Variants in CD226 observed in about 807,000 individuals in gnomAD.
The protein encoded by CD226 is CD226 molecule.
CD226 carries 24 observed loss-of-function variants against 34.9 expected under a neutral mutation model. The observed-to-expected ratio is 0.69, with a 90% confidence interval of 0.50 to 0.97. CD226 has a LOEUF of 0.97. Among genes scored for constraint, CD226 ranks in the 50% least tolerant of loss-of-function variants. The pLI, the probability that CD226 is intolerant of heterozygous loss-of-function variation, is 0.00. For missense variants in CD226, 397 were observed against 412.7 expected, an observed-to-expected ratio of 0.96 and a Z score of 0.33; for synonymous variants, 148 against 147.4, an observed-to-expected ratio of 1.00 and a Z score of -0.03.
At chr18:69,942,258 T>G (rs900077622) in intron 2 of CD226, among the ~76,000 whole-genome samples, 28 of 152,210 alleles carry the variant, frequency 1.8e-4, no homozygotes, top group Non-Finnish European at 7.3e-5. Flanking sequence ...ATATACACAT[T>G]GGTTCTCTTT....
chr18:69,919,661 T>C (rs1056061113), intron 2 of CD226, among the ~76,000 whole-genome samples: 1 of 152,206 alleles, frequency 6.6e-6, no homozygotes, highest in African/African-American at 2.4e-5. Flanking sequence ...ATTTTCATCT[T>C]ATTTCGCTGA....
At position 69,927,250 on chromosome 18, in the gene CD226, G is replaced by A. The variant is rs148183479; in HGVS notation, c.382+19484C>T. 1.4e-3 allele frequency among the ~76,000 whole-genome samples: 213 copies of A among 152,118 alleles called. 2 individuals carry two copies. Among genetic ancestry groups the A allele is most frequent in the South Asian group, 3.7e-3 (18 of 4,814 alleles). On this transcript the variant is annotated intron_variant, in intron 2 of 5. Transcript: ENST00000582621. ...CCCTCACTAGACAGTAAATTTGCTC[G>A]TGCTTTGGTCTTGGACTTCCTAGCC...
chr18:69,954,686 C>T (rs1302384292), intron 1 of CD226, among the ~76,000 whole-genome samples: 2 of 151,820 alleles, frequency 1.3e-5, no homozygotes, highest in African/African-American at 4.8e-5. Context: ...CTCCTTATTC[C>T]CAAGGCATCC....
chr18:69,899,212 TC>T (rs1358810540), intron 2 of CD226, among the ~76,000 whole-genome samples: 1 of 152,178 alleles, frequency 6.6e-6, no homozygotes, highest in African/African-American at 2.4e-5. Flanking sequence ...GCTGGGTACA[TC>T]TTCACATCAT....
rs754960557 is a variant in CD226 at position 69,946,691 on chromosome 18, G to A, written c.382+43C>T. 20 of 1,286,538 alleles carry A rather than the reference G, an allele frequency of 1.6e-5. No individual in the cohort carries two copies. The Admixed American group carries it at 3.8e-4, about 24-fold the overall frequency. 79.7% of individuals were successfully genotyped at this position (1,286,538 alleles called of 1,614,324 possible). ...GGCTTTATAGAAATAAATGTTGTAA[G>A]TGGATAAAAAGGGATTTAAAAAAAA... On this transcript the variant is annotated intron_variant, in intron 2 of 5. Transcript: ENST00000582621.
At chr18:69,896,183 T>TTTA in intron 2 of CD226, 138 bp from the exon 3 acceptor site, 1 of 1,294,852 alleles carries the variant, frequency 7.7e-7, no homozygotes, top group East Asian at 2.9e-5. Flanking sequence ...TTATACTACT[T>TTTA]TTTTTTTTTT....
intron 3 of CD226, among the ~76,000 whole-genome samples, chr18:69,885,659 A>T (rs1416188530): frequency 6.6e-6 from 1 of 152,128 alleles, no homozygotes; most frequent in Non-Finnish European, 1.5e-5. Flanking sequence ...CTTTGCGCAG[A>T]GGCTACTCCT....
rs200852494 is a variant in CD226 at position 69,946,771 on chromosome 18, C to T, written c.345G>A (p.Gln115=). 53 of 1,613,688 alleles carry T rather than the reference C, an allele frequency of 3.3e-5. No homozygotes were observed. Among genetic ancestry groups the T allele is most frequent in the Non-Finnish European group, 4.4e-5 (52 of 1,179,934 alleles). ...YYSCSLYTYP[Q]GTWQKVIQVV... is the part of the protein sequence containing the mutation. Reference sequence around the variant, plus strand: ...CCTGTATCACCTTCTGCCAAGTTCCCTGTGGGTAAGTGTAAAGAGAGCAGG... The same window carrying T: ...CCTGTATCACCTTCTGCCAAGTTCCTTGTGGGTAAGTGTAAAGAGAGCAGG... The change falls in exon 2 of 6, where the codon CAG becomes CAA. Residue 115 remains glutamine, a synonymous_variant. Transcript: ENST00000582621.
chr18:69,884,311 C>T (rs1243997641), intron 3 of CD226, among the ~76,000 whole-genome samples: 2 of 152,164 alleles, frequency 1.3e-5, no homozygotes, highest in Non-Finnish European at 2.9e-5. Flanking sequence ...ACCAGATGAT[C>T]CTGATGTTGG....
chr18:69,930,947 G>A (rs1034250064), intron 2 of CD226, among the ~76,000 whole-genome samples: 7 of 152,064 alleles, frequency 4.6e-5, no homozygotes, highest in Non-Finnish European at 7.4e-5. Context: ...CAAACACTGC[G>A]GCACTATTCA....
At chr18:69,905,875 A>T (rs2055246777) in intron 2 of CD226, among the ~76,000 whole-genome samples, 1 of 152,222 alleles carries the variant, frequency 6.6e-6, no homozygotes, top group African/African-American at 2.4e-5. Flanking sequence ...CTATTGCCCG[A>T]CGGTGCTCAC....
At chr18:69,946,531 G>C (rs954951969) in intron 2 of CD226, among the ~76,000 whole-genome samples, 2 of 151,988 alleles carry the variant, frequency 1.3e-5, no homozygotes, top group South Asian at 4.2e-4. Flanking sequence ...ACTTCTACTC[G>C]GACACAACAG....
Position 69,892,359 on chromosome 18 carries a change from T to C in CD226, c.727+3342A>G, listed in dbSNP as rs34072321. 3.2e-3 allele frequency among the ~76,000 whole-genome samples: 484 copies of C among 152,312 alleles called. 3 individuals are homozygous for C. The highest frequency in any genetic ancestry group is 4.8e-3 in the Non-Finnish European group (326 of 68,034). On this transcript the variant is annotated intron_variant, in intron 3 of 5. Transcript: ENST00000582621. ...AGTGGCACCTAAAATACTTCTCTTA[T>C]GACAAATGAAAATCCAGAGGATGTT...
rs1172747685 is a variant in CD226 at position 69,853,837 on chromosome 18, A to T, written c.*10477T>A. ...AGCACAGACAGTGAAACTCAGTATGATCTACTCATCTTCAGTTTGATGTCT... is the reference window on the plus strand; with the variant it reads ...AGCACAGACAGTGAAACTCAGTATGTTCTACTCATCTTCAGTTTGATGTCT... On this transcript the variant is annotated 3_prime_UTR_variant, in exon 6 of 6. Coordinates refer to ENST00000582621, the MANE Select transcript of CD226 (RefSeq NM_001303618.2). 6.6e-6 allele frequency: 1 copy of T among 152,174 alleles called. No individual in the cohort carries two copies. Among genetic ancestry groups the T allele is most frequent in the Non-Finnish European group, 1.5e-5 (1 of 68,032 alleles). The allele number at this position is 152,174 out of a possible 1,614,324, so 9.4% of individuals were successfully genotyped here. A position where few individuals can be genotyped will look rare whatever the true frequency, so the allele number is the denominator to read the frequency against.
At chr18:69,907,736 A>G (rs1393138466) in intron 2 of CD226, among the ~76,000 whole-genome samples, 3 of 152,124 alleles carry the variant, frequency 2.0e-5, no homozygotes, top group African/African-American at 4.8e-5. Flanking sequence ...GAGGGTACAA[A>G]ACCTCAGTCA....
At chr18:69,902,498 C>T (rs2055199741) in intron 2 of CD226, among the ~76,000 whole-genome samples, 1 of 151,674 alleles carries the variant, frequency 6.6e-6, no homozygotes, top group Non-Finnish European at 1.5e-5. Context: ...ACTTGCCTGC[C>T]TCTCCTCTCT....
chr18:69,887,416 G>A (rs919420752), intron 3 of CD226, among the ~76,000 whole-genome samples: 2 of 152,084 alleles, frequency 1.3e-5, no homozygotes, highest in Non-Finnish European at 2.9e-5. Flanking sequence ...GTGACATCAG[G>A]ATAACTATAC....
chr18:69,921,638 CG>C lies in CD226; in HGVS notation c.382+25095del, dbSNP rs1238166767. 2.0e-5 allele frequency among the ~76,000 whole-genome samples: 3 copies of C among 152,286 alleles called. No homozygotes were observed. In the East Asian group the frequency reaches 5.8e-4, roughly 29 times the overall value. ...CTGTGGGAAGACCCATGAGGCCCTTCGTGGATTGGCCTTATCTTTTGAATAT... is the reference window on the plus strand; with the variant it reads ...CTGTGGGAAGACCCATGAGGCCCTTCTGGATTGGCCTTATCTTTTGAATAT... On this transcript the variant is annotated intron_variant, in intron 2 of 5. Transcript: ENST00000582621.
intron 2 of CD226, among the ~76,000 whole-genome samples, chr18:69,941,371 C>T (rs1382548804): frequency 6.6e-6 from 1 of 152,224 alleles, no homozygotes; most frequent in Admixed American, 6.5e-5. Context: ...AAGCCACAGA[C>T]ACTCAACACC....
Sources: gnomAD v4.1 joint callset for allele counts (sites outside exome capture counted in the v4.1 genomes callset) on GRCh38, gnomAD v4.1.1 for gene constraint, MANE v1.5 for transcripts, NCBI Gene and HGNC (gene_info 2026-07-23, HGNC 2026-07-21) for gene names.